MRAP2: variants seen among roughly 807,000 people sequenced by gnomAD.
MRAP2 encodes the protein melanocortin-2 receptor accessory protein 2.
In MRAP2, 20 loss-of-function variants were observed where a neutral mutation model predicts 17.4. The ratio of observed to expected loss-of-function variants is 1.15; its 90% confidence interval spans 0.81 to 1.67. The LOEUF is 1.67. Ranked by LOEUF, MRAP2 falls within the 40% of genes most tolerant of loss-of-function variation. The probability of loss-of-function intolerance (pLI) is 0.00; values close to 1 mark genes in which losing one functional copy is unlikely to be tolerated. For missense variants in MRAP2, 238 were observed against 240.0 expected, an observed-to-expected ratio of 0.99 and a Z score of 0.05; for synonymous variants, 96 against 88.4, an observed-to-expected ratio of 1.09 and a Z score of -0.48.
chr6:84,143,663 G>T, the MRAP2 span, among the ~76,000 whole-genome samples: 1 of 151,964 alleles, frequency 6.6e-6, no homozygotes, highest in Non-Finnish European at 1.5e-5. Flanking sequence ...CGAATATCTT[G>T]TGTGTCTAAG....
the MRAP2 span, among the ~76,000 whole-genome samples, chr6:84,133,852 C>A: frequency 2.0e-5 from 3 of 152,144 alleles, no homozygotes; most frequent in South Asian, 6.2e-4. Context: ...GCTCACACTC[C>A]TTGGGCTGTA....
chr6:84,077,918 G>A (rs527821063), intron 3 of MRAP2, among the ~76,000 whole-genome samples: 1 of 152,316 alleles, frequency 6.6e-6, no homozygotes, highest in South Asian at 2.1e-4. Flanking sequence ...GATAGCCACT[G>A]GCCATGTGTG....
intron 3 of MRAP2, among the ~76,000 whole-genome samples, chr6:84,081,436 G>C (rs2099498974): frequency 6.6e-6 from 1 of 152,194 alleles, no homozygotes; most frequent in Non-Finnish European, 1.5e-5. Flanking sequence ...GAGGAACCTG[G>C]TAGGAGGTGA....
At chr6:84,133,163 CTGCAGAACAGCAAATAT>C in the MRAP2 span, among the ~76,000 whole-genome samples, 5 of 152,194 alleles carry the variant, frequency 3.3e-5, no homozygotes, top group South Asian at 2.1e-4. Context: ...CCAGCAGAGG[CTGCAGAACAGCAAATAT>C]TGCAGAACAG....
At chr6:84,048,320 G>A (rs1446879627) in intron 1 of MRAP2, among the ~76,000 whole-genome samples, 1 of 152,174 alleles carries the variant, frequency 6.6e-6, no homozygotes, top group East Asian at 1.9e-4. Flanking sequence ...AATAGGGTGT[G>A]TAGTGGTATC....
downstream of MRAP2, among the ~76,000 whole-genome samples, chr6:84,094,412 G>T (rs1463505537): frequency 6.6e-6 from 1 of 151,826 alleles, no homozygotes; most frequent in African/African-American, 2.4e-5. Context: ...CTTTCCTCTT[G>T]CATTTTACTA....
intron 3 of MRAP2, among the ~76,000 whole-genome samples, chr6:84,080,592 A>T (rs2099498728): frequency 6.6e-6 from 1 of 152,156 alleles, no homozygotes; most frequent in East Asian, 1.9e-4. Context: ...GTTTGGAGGG[A>T]GTGGCTCTCA....
intron 2 of MRAP2, among the ~76,000 whole-genome samples, chr6:84,055,756 G>A (rs927179701): frequency 1.3e-5 from 2 of 152,182 alleles, no homozygotes; most frequent in East Asian, 1.9e-4. Flanking sequence ...AACTGTGAAT[G>A]TTTGAACTAT....
the MRAP2 span, among the ~76,000 whole-genome samples, chr6:84,134,349 C>T: frequency 1.5e-4 from 23 of 152,152 alleles, no homozygotes; most frequent in African/African-American, 5.5e-4. Context: ...CTTCAACCCT[C>T]TTTCCAGGGG....
intron 3 of MRAP2, chr6:84,063,424 TACTC>T (rs2099493692): frequency 1.0e-6 from 1 of 984,696 alleles, no homozygotes; most frequent in Non-Finnish European, 1.2e-6. Context: ...TGTTCCTGGA[TACTC>T]AACTCAATTT....
intron 3 of MRAP2, among the ~76,000 whole-genome samples, chr6:84,068,013 A>C (rs1240599270): frequency 6.6e-6 from 1 of 152,148 alleles, no homozygotes; most frequent in Non-Finnish European, 1.5e-5. Flanking sequence ...TAGAATTTTT[A>C]CAGTTTCAGG....
intron 1 of MRAP2, among the ~76,000 whole-genome samples, chr6:84,036,985 T>G (rs1337218318): frequency 6.6e-6 from 1 of 151,188 alleles, no homozygotes; most frequent in Non-Finnish European, 1.5e-5. Flanking sequence ...ATTGGTGCAT[T>G]TACAAACCTT....
At chr6:84,037,372 G>T (rs1173627756) in intron 1 of MRAP2, among the ~76,000 whole-genome samples, 1 of 152,222 alleles carries the variant, frequency 6.6e-6, no homozygotes, top group Non-Finnish European at 1.5e-5. Flanking sequence ...AGACATAAAA[G>T]TTCTCCAAGT....
At chr6:84,104,933 A>T in the MRAP2 span, among the ~76,000 whole-genome samples, 1 of 152,318 alleles carries the variant, frequency 6.6e-6, no homozygotes, top group South Asian at 2.1e-4. Context: ...AAGTTCCACC[A>T]ATCTCTAGGG....
the MRAP2 span, among the ~76,000 whole-genome samples, chr6:84,140,226 G>A: frequency 3.6e-4 from 55 of 152,254 alleles, no homozygotes; most frequent in African/African-American, 9.6e-4. Flanking sequence ...AATAAGAGAC[G>A]GCAGTCCATT....
At chr6:84,120,629 G>A in the MRAP2 span, among the ~76,000 whole-genome samples, 16,965 of 151,958 alleles carry the variant, frequency 0.11, 2,561 homozygotes, top group African/African-American at 0.35. Flanking sequence ...ATATAGAATC[G>A]TCATCAAAAT....
chr6:84,057,912 T>C (rs1337597686), intron 2 of MRAP2, among the ~76,000 whole-genome samples: 2 of 151,958 alleles, frequency 1.3e-5, no homozygotes, highest in Admixed American at 6.6e-5. Flanking sequence ...AAGTGAGAGA[T>C]TGAGCTATAA....
chr6:84,077,713 T>G (rs1340684490), intron 3 of MRAP2, among the ~76,000 whole-genome samples: 1 of 152,212 alleles, frequency 6.6e-6, no homozygotes, highest in Non-Finnish European at 1.5e-5. Context: ...ATATAGTGAT[T>G]TTTGTATAAG....
At chr6:84,033,629 T>C, upstream of MRAP2, 1 of 964,292 alleles carries the variant, frequency 1.0e-6, no homozygotes, top group South Asian at 4.8e-5. Context: ...TCACCTCCTC[T>C]TGGCCAAGGC....
Sources: allele counts gnomAD v4.1 joint callset (sites outside exome capture counted in the v4.1 genomes callset), GRCh38; gene constraint gnomAD v4.1.1; transcripts MANE v1.5; gene names NCBI Gene and HGNC (gene_info 2026-07-23, HGNC 2026-07-21).